GABRA2: variants seen among roughly 807,000 people sequenced by gnomAD.
GABRA2 encodes the protein gamma-aminobutyric acid receptor subunit alpha-2.
GABRA2 carries 16 observed loss-of-function variants against 48.7 expected under a neutral mutation model. The observed-to-expected ratio is 0.33, with a 90% CI of 0.22 to 0.50. GABRA2 has a LOEUF of 0.50. GABRA2 is among the 20% of genes least tolerant of loss of function. The pLI, the probability that GABRA2 is intolerant of heterozygous loss-of-function variation, is 0.98. For missense variants in GABRA2, 275 were observed against 535.6 expected, an observed-to-expected ratio of 0.51 and a Z score of 4.80; for synonymous variants, 185 against 184.5, an observed-to-expected ratio of 1.00 and a Z score of -0.02.
intron 3 of GABRA2, among the ~76,000 whole-genome samples, chr4:46,334,118 T>C (rs1731816053): frequency 6.6e-6 from 1 of 152,144 alleles, no homozygotes; most frequent in Non-Finnish European, 1.5e-5. Flanking sequence ...TTATTTCAGA[T>C]GCCACCTACT....
intron 8 of GABRA2, among the ~76,000 whole-genome samples, chr4:46,279,730 AC>A (rs1037118717): frequency 2.1e-4 from 32 of 151,848 alleles, no homozygotes; most frequent in African/African-American, 7.7e-4. Context: ...AAATAGTCCA[AC>A]TCATGATTGC....
chr4:46,382,191 C>CAT (rs1322016603), intron 3 of GABRA2, among the ~76,000 whole-genome samples: 5 of 144,002 alleles, frequency 3.5e-5, no homozygotes, highest in Admixed American at 6.9e-5. Context: ...CACACACACA[C>CAT]ACATATATAT....
In GABRA2 at chr4:46,323,424, G is replaced by A. The variant is rs74964881; in HGVS notation, c.255+9191C>T. ...GATATCTTTTTTTTCCCTAAAAACC[G>A]TACCAAACTCCGTATCTACCACCCA... On this transcript the variant is annotated intron_variant, in intron 4 of 9. Transcript: ENST00000381620. Among the ~76,000 whole-genome samples the A allele has an allele frequency of 3.4e-4, 51 of 151,654 alleles. No homozygotes were observed. In the East Asian group the frequency reaches 6.2e-3, roughly 19 times the overall value.
At chr4:46,292,523 G>A (rs1355089048) in intron 8 of GABRA2, among the ~76,000 whole-genome samples, 1 of 152,182 alleles carries the variant, frequency 6.6e-6, no homozygotes, top group African/African-American at 2.4e-5. Context: ...ATGGGATAAT[G>A]GTGGAAGAAA....
At chr4:46,346,613 T>G (rs888611625) in intron 3 of GABRA2, among the ~76,000 whole-genome samples, 2 of 148,332 alleles carry the variant, frequency 1.3e-5, no homozygotes, top group South Asian at 4.2e-4. Flanking sequence ...TTTATTATAC[T>G]TAAATATTAT....
intron 9 of GABRA2, among the ~76,000 whole-genome samples, chr4:46,255,520 T>C (rs1238289326): frequency 1.3e-5 from 2 of 151,604 alleles, no homozygotes; most frequent in Admixed American, 6.6e-5. Context: ...AGATTTGATT[T>C]ATAAACAAAA....
chr4:46,376,519 T>C (rs913932935), intron 3 of GABRA2, among the ~76,000 whole-genome samples: 4 of 152,144 alleles, frequency 2.6e-5, no homozygotes, highest in African/African-American at 4.8e-5. Context: ...ACAACAGCGA[T>C]GGTTGAAAAA....
intron 4 of GABRA2, among the ~76,000 whole-genome samples, chr4:46,327,627 C>A (rs1730616240): frequency 6.6e-6 from 1 of 151,960 alleles, no homozygotes. Context: ...CAATTTTGAC[C>A]AGATATTAAA....
intron 9 of GABRA2, 40 bp downstream of exon 9, chr4:46,261,886 G>A (rs755151087): frequency 2.0e-6 from 3 of 1,480,972 alleles, no homozygotes; most frequent in Non-Finnish European, 1.9e-6. Flanking sequence ...ATTCATTAGG[G>A]TATTTTCTTA....
At chr4:46,264,832 G>C (rs1012157932) in intron 8 of GABRA2, among the ~76,000 whole-genome samples, 11 of 151,636 alleles carry the variant, frequency 7.3e-5, no homozygotes, top group African/African-American at 2.7e-4. Context: ...TTAATTGGAA[G>C]ATTTTGTTTA....
chr4:46,247,069 T>C lies in GABRA2; in HGVS notation c.*3239A>G, dbSNP rs544421588. 7.3e-4 allele frequency among the ~76,000 whole-genome samples: 110 copies of C among 151,234 alleles called. 1 individual carries two copies. Among genetic ancestry groups the C allele is most frequent in the Non-Finnish European group, 9.0e-4 (61 of 67,474 alleles). On this transcript the variant is annotated 3_prime_UTR_variant, in exon 10 of 10. Coordinates refer to ENST00000381620, the MANE Select transcript of GABRA2 (RefSeq NM_000807.4). ...CTGGGTTGTTTTTAAAAATAAACTA[T>C]GAACTATTTAAGAAAAAAAATTTAG...
At chr4:46,255,011 A>G (rs746512624) in intron 9 of GABRA2, among the ~76,000 whole-genome samples, 65 of 151,576 alleles carry the variant, frequency 4.3e-4, no homozygotes, top group Non-Finnish European at 8.7e-4. Context: ...GACCAAGACA[A>G]CACTTTCTAC....
chr4:46,370,420 C>T (rs550791934), intron 3 of GABRA2, among the ~76,000 whole-genome samples: 8 of 151,726 alleles, frequency 5.3e-5, no homozygotes, highest in South Asian at 2.1e-4. Context: ...AACAAAAAAC[C>T]CAACCAACCA....
At chr4:46,278,195 T>TATA (rs1720872439) in intron 8 of GABRA2, among the ~76,000 whole-genome samples, 1 of 152,128 alleles carries the variant, frequency 6.6e-6, no homozygotes, top group African/African-American at 2.4e-5. Flanking sequence ...CATAGTATAT[T>TATA]CTACAGTGTC....
At chr4:46,278,178 T>A (rs1720867360) in intron 8 of GABRA2, among the ~76,000 whole-genome samples, 1 of 152,120 alleles carries the variant, frequency 6.6e-6, no homozygotes, top group Non-Finnish European at 1.5e-5. Context: ...CACACAATAG[T>A]TGGATCCATA....
At chr4:46,335,383 G>C (rs960525559) in intron 3 of GABRA2, among the ~76,000 whole-genome samples, 1 of 152,164 alleles carries the variant, frequency 6.6e-6, no homozygotes, top group Non-Finnish European at 1.5e-5. Flanking sequence ...ATGTTACAGA[G>C]TAAACAAGTT....
chr4:46,320,636 A>G (rs1304123228), intron 4 of GABRA2, among the ~76,000 whole-genome samples: 1 of 151,804 alleles, frequency 6.6e-6, no homozygotes, highest in Non-Finnish European at 1.5e-5. Context: ...AAAATGGTCA[A>G]TAAGTATATA....
chr4:46,281,974 C>T (rs933995870), intron 8 of GABRA2, among the ~76,000 whole-genome samples: 15 of 152,140 alleles, frequency 9.9e-5, no homozygotes, highest in African/African-American at 2.2e-4. Flanking sequence ...GGTGCACAGA[C>T]GGAAGGGTTG....
chr4:46,378,195 T>G lies in GABRA2; in HGVS notation c.187+7879A>C, dbSNP rs959125085. Among the ~76,000 whole-genome samples the G allele has an allele frequency of 4.0e-5, 6 of 151,864 alleles. 2 individuals are homozygous for G. Among genetic ancestry groups the G allele is most frequent in the Non-Finnish European group, 1.5e-5 (1 of 67,922 alleles). On this transcript the variant is annotated intron_variant, in intron 3 of 9. Coordinates refer to ENST00000381620, the MANE Select transcript of GABRA2 (RefSeq NM_000807.4). ...CATTGAGAACGGGCCATGATGACAATGGCGGTTTTGTGGAATGGAAAGGGG... is the reference window on the plus strand; with the variant it reads ...CATTGAGAACGGGCCATGATGACAAGGGCGGTTTTGTGGAATGGAAAGGGG...
Sources: allele counts gnomAD v4.1 joint callset (sites outside exome capture counted in the v4.1 genomes callset), GRCh38; gene constraint gnomAD v4.1.1; transcripts MANE v1.5; gene names NCBI Gene and HGNC (gene_info 2026-07-23, HGNC 2026-07-21).